Variants in DIAPH2 observed in about 807,000 individuals in gnomAD.
DIAPH2 encodes protein diaphanous homolog 2.
A neutral mutation model predicts 92.7 loss-of-function variants in DIAPH2; 35 were observed. The observed-to-expected ratio is 0.38, with a 90% CI of 0.29 to 0.50. DIAPH2 has a LOEUF of 0.50. DIAPH2 is among the 20% of genes least tolerant of loss of function. DIAPH2 has a pLI of 0.94. For missense variants in DIAPH2, 701 were observed against 819.5 expected, an observed-to-expected ratio of 0.86 and a Z score of 1.77; for synonymous variants, 301 against 280.4, an observed-to-expected ratio of 1.07 and a Z score of -0.73.
chrX:97,242,377 T>C (rs1040916132), intron 22 of DIAPH2, among the ~76,000 whole-genome samples: 1 of 110,354 alleles, frequency 9.1e-6, no homozygotes, highest in Admixed American at 9.6e-5. Flanking sequence ...TTTTTTTTTT[T>C]TCTTGAGACA....
chrX:97,475,639 A>G (rs746079643), intron 26 of DIAPH2, among the ~76,000 whole-genome samples: 17 of 111,952 alleles, frequency 1.5e-4, no homozygotes, highest in Non-Finnish European at 3.0e-4. Flanking sequence ...TAGATATTAC[A>G]GAGTGAAAAA....
At chrX:97,083,598 C>G (rs2066762892) in intron 19 of DIAPH2, among the ~76,000 whole-genome samples, 2 of 111,303 alleles carry the variant, frequency 1.8e-5, no homozygotes, top group African/African-American at 6.5e-5. Flanking sequence ...AGTAGCAGCT[C>G]CACCACCAGT....
chrX:97,274,949 C>T (rs369788399), intron 23 of DIAPH2, among the ~76,000 whole-genome samples: 92 of 111,088 alleles, frequency 8.3e-4, no homozygotes, highest in Non-Finnish European at 1.3e-3. Context: ...CAGAGAGCAC[C>T]GGGTTGGGGG....
chrX:96,788,738 G>T (rs921016959), intron 4 of DIAPH2, among the ~76,000 whole-genome samples: 17 of 111,833 alleles, frequency 1.5e-4, no homozygotes, highest in African/African-American at 4.9e-4. Flanking sequence ...TTTATACAAA[G>T]GATGCGTTTA....
intron 1 of DIAPH2, among the ~76,000 whole-genome samples, chrX:96,695,415 C>G (rs1308568114): frequency 1.8e-5 from 2 of 112,377 alleles, no homozygotes; most frequent in South Asian, 7.4e-4. Flanking sequence ...TTCATTACAG[C>G]CTATACTTGC....
intron 22 of DIAPH2, among the ~76,000 whole-genome samples, chrX:97,159,750 A>C (rs2067352688): frequency 8.9e-6 from 1 of 112,366 alleles, no homozygotes; most frequent in Admixed American, 9.5e-5. Context: ...TTTCCTAGTT[A>C]TGAAAATTAA....
chrX:96,703,977 G>A (rs1463007529), intron 1 of DIAPH2, among the ~76,000 whole-genome samples: 1 of 111,138 alleles, frequency 9.0e-6, no homozygotes, highest in African/African-American at 3.3e-5. Context: ...TCATCAGGCT[G>A]GAATGCAATG....
chrX:96,892,515 G>A (rs765611788), intron 5 of DIAPH2, among the ~76,000 whole-genome samples: 28 of 111,522 alleles, frequency 2.5e-4, no homozygotes, highest in Non-Finnish European at 2.3e-4. Context: ...AGTATATTCA[G>A]GCTCATTTGA....
chrX:96,686,844 T>C (rs754237847), intron 1 of DIAPH2, among the ~76,000 whole-genome samples: 26 of 111,945 alleles, frequency 2.3e-4, no homozygotes, highest in Non-Finnish European at 4.7e-4. Flanking sequence ...GCTAGTAAGA[T>C]ACAACTTTAC....
At chrX:97,456,654 C>T (rs1351229833) in intron 26 of DIAPH2, among the ~76,000 whole-genome samples, 1 of 111,387 alleles carries the variant, frequency 9.0e-6, no homozygotes, top group Non-Finnish European at 1.9e-5. Context: ...GATGTGGAAC[C>T]TCAATAGTCA....
intron 22 of DIAPH2, among the ~76,000 whole-genome samples, chrX:97,178,483 C>T (rs1347985081): frequency 4.1e-5 from 3 of 73,633 alleles, no homozygotes; most frequent in East Asian, 4.6e-4. Flanking sequence ...GACAGAGTCT[C>T]GCTCTGTTGC....
intron 3 of DIAPH2, among the ~76,000 whole-genome samples, chrX:96,739,374 G>A (rs1287079717): frequency 9.0e-6 from 1 of 111,663 alleles, no homozygotes; most frequent in African/African-American, 3.3e-5. Flanking sequence ...GTATTACATT[G>A]TTAATTTGAC....
intron 17 of DIAPH2, among the ~76,000 whole-genome samples, chrX:97,011,029 A>C (rs1454193940): frequency 1.8e-5 from 2 of 112,294 alleles, no homozygotes; most frequent in Non-Finnish European, 1.9e-5. Flanking sequence ...GATCATGATG[A>C]AATTTTCAAA....
At chrX:97,368,503 A>C (rs1287804328) in intron 24 of DIAPH2, among the ~76,000 whole-genome samples, 1 of 112,095 alleles carries the variant, frequency 8.9e-6, no homozygotes, top group African/African-American at 3.2e-5. Context: ...TTTTAAAAGA[A>C]ATCTTTTTTA....
chrX:97,425,015 T>C (rs1190076995), intron 25 of DIAPH2, among the ~76,000 whole-genome samples: 1 of 112,582 alleles, frequency 8.9e-6, no homozygotes, highest in African/African-American at 3.2e-5. Flanking sequence ...ACAATATCTA[T>C]AATGTTATAC....
chrX:97,240,268 A>G, intron 22 of DIAPH2, among the ~76,000 whole-genome samples: 1 of 111,649 alleles, frequency 9.0e-6, no homozygotes. Context: ...TGTACCCTGT[A>G]AAATCTAAAC....
chrX:97,430,421 T>G (rs1207925138), intron 26 of DIAPH2, among the ~76,000 whole-genome samples: 1 of 112,376 alleles, frequency 8.9e-6, no homozygotes. Flanking sequence ...TAATAGCTCC[T>G]CTAAGGATAA....
chrX:96,927,333 G>A (rs1340297276), intron 9 of DIAPH2, among the ~76,000 whole-genome samples: 1 of 101,136 alleles, frequency 9.9e-6, no homozygotes, highest in African/African-American at 3.7e-5. Context: ...ATTGTTAGAG[G>A]ACAATAGAGT....
intron 23 of DIAPH2, among the ~76,000 whole-genome samples, chrX:97,320,761 G>A (rs1181957175): frequency 1.9e-5 from 2 of 107,845 alleles, no homozygotes; most frequent in Non-Finnish European, 3.8e-5. Context: ...AGGCTGCCTT[G>A]AATGTAGGTT....
Sources: allele counts gnomAD v4.1 joint callset (sites outside exome capture counted in the v4.1 genomes callset), GRCh38; gene constraint gnomAD v4.1.1; transcripts MANE v1.5; gene names NCBI Gene and HGNC (gene_info 2026-07-23, HGNC 2026-07-21).